PCCA: variants seen among roughly 807,000 people sequenced by gnomAD.
The protein encoded by PCCA is propionyl-CoA carboxylase subunit alpha, also known as propionyl-CoA carboxylase alpha chain, mitochondrial.
In PCCA, 74 loss-of-function variants were observed where a neutral mutation model predicts 101.3. That is an observed-to-expected ratio of 0.73 (90% CI 0.61 to 0.89). The LOEUF (loss-of-function observed/expected upper bound fraction) is 0.89, where lower values mean the gene tolerates loss of function less well. Ranked by LOEUF, PCCA falls within the 40% of genes least tolerant of loss-of-function variation. PCCA has a pLI of 0.00. For synonymous variants in PCCA, 294 were observed against 313.6 expected, an observed-to-expected ratio of 0.94 and a Z score of 0.66; for missense variants, 891 against 907.0, an observed-to-expected ratio of 0.98 and a Z score of 0.23.
At chr13:100,347,425 A>G (rs766654636) in intron 18 of PCCA, among the ~76,000 whole-genome samples, 1 of 152,018 alleles carries the variant, frequency 6.6e-6, no homozygotes, top group African/African-American at 2.4e-5. Context: ...TCTTACCTAC[A>G]CTCTTTTTTT....
chr13:100,291,286 AG>A lies in PCCA; in HGVS notation c.1066-10173del, dbSNP rs543286887. ...GAGCAAGACCCATTTCTTAAAAAAA[AG>A]AAAAGTGTACGGGATGATATGCATA... On this transcript the variant is annotated intron_variant, in intron 12 of 23. Transcript: ENST00000376285. Among the ~76,000 whole-genome samples the A allele has an allele frequency of 4.3e-3, 651 of 152,326 alleles. 5 individuals carry two copies. The highest frequency in any genetic ancestry group is 0.015 in the African/African-American group (631 of 41,570).
intron 21 of PCCA, among the ~76,000 whole-genome samples, chr13:100,486,848 A>C (rs2084415483): frequency 6.6e-6 from 1 of 152,112 alleles, no homozygotes; most frequent in Non-Finnish European, 1.5e-5. Flanking sequence ...GAGCCCAGGA[A>C]GTCAAGGCTG....
At chr13:100,461,153 G>T (rs922835860) in intron 21 of PCCA, among the ~76,000 whole-genome samples, 2 of 152,214 alleles carry the variant, frequency 1.3e-5, no homozygotes, top group African/African-American at 4.8e-5. Flanking sequence ...TTTTAATGTA[G>T]TAAAAGACCT....
chr13:100,200,569 T>A (rs547735103), intron 6 of PCCA, among the ~76,000 whole-genome samples: 27 of 151,400 alleles, frequency 1.8e-4, no homozygotes, highest in Non-Finnish European at 3.8e-4. Flanking sequence ...TATTAACAGG[T>A]TTTTAACATA....
At chr13:100,190,485 C>T (rs2057661460) in intron 6 of PCCA, among the ~76,000 whole-genome samples, 1 of 151,766 alleles carries the variant, frequency 6.6e-6, no homozygotes, top group Non-Finnish European at 1.5e-5. Flanking sequence ...GAGTTCGAGA[C>T]CAGCCTGGCC....
chr13:100,374,610 A>G (rs1277207569), intron 19 of PCCA, among the ~76,000 whole-genome samples: 1 of 152,200 alleles, frequency 6.6e-6, no homozygotes, highest in Non-Finnish European at 1.5e-5. Flanking sequence ...AATGTGATTC[A>G]CTTGAAAGAA....
At chr13:100,453,255 G>A (rs530726220) in intron 21 of PCCA, among the ~76,000 whole-genome samples, 7 of 150,452 alleles carry the variant, frequency 4.7e-5, no homozygotes, top group Non-Finnish European at 8.9e-5. Flanking sequence ...TAATCCCAGC[G>A]CTTTGGGAGG....
At chr13:100,163,986 CGA>C (rs2054771181) in intron 6 of PCCA, among the ~76,000 whole-genome samples, 1 of 85,266 alleles carries the variant, frequency 1.2e-5, no homozygotes, top group Admixed American at 1.3e-4. Flanking sequence ...AGAAATTTTG[CGA>C]TCATATAGTC....
intron 21 of PCCA, among the ~76,000 whole-genome samples, chr13:100,514,858 C>T (rs557132754): frequency 7.9e-5 from 12 of 152,286 alleles, no homozygotes; most frequent in African/African-American, 1.7e-4. Context: ...GAAAAGCCAA[C>T]GTTTTCAGTC....
chr13:100,260,542 G>A lies in PCCA; in HGVS notation c.717-2187G>A, dbSNP rs955202050. On this transcript the variant is annotated intron_variant, in intron 9 of 23. Coordinates refer to ENST00000376285, the MANE Select transcript of PCCA (RefSeq NM_000282.4). ...CTCCCAAGTAGCTGGGACTACAGGC[G>A]CACACTGCCACGCCTGGCTAATTTT... Among the ~76,000 whole-genome samples, 7 of 151,806 alleles carry A rather than the reference G, an allele frequency of 4.6e-5. No homozygotes were observed. The South Asian group carries it at 6.3e-4, about 14-fold the overall frequency.
intron 2 of PCCA, among the ~76,000 whole-genome samples, chr13:100,103,416 A>G (rs952429414): frequency 1.3e-5 from 2 of 151,036 alleles, no homozygotes; most frequent in African/African-American, 4.9e-5. Flanking sequence ...GGTTCAAACA[A>G]TTCTCCCACC....
chr13:100,208,484 G>A (rs1458112341), intron 6 of PCCA, among the ~76,000 whole-genome samples: 1 of 152,088 alleles, frequency 6.6e-6, no homozygotes, highest in African/African-American at 2.4e-5. Context: ...TATAGGTCTG[G>A]TTTTTCCCAT....
chr13:100,150,698 A>C (rs2053203935), intron 4 of PCCA: 1 of 1,554,378 alleles, frequency 6.4e-7, no homozygotes, highest in African/African-American at 1.4e-5. Flanking sequence ...ATCAGTGAGG[A>C]TAACCTCAAA....
chr13:100,357,075 T>C (rs901434194), intron 18 of PCCA, among the ~76,000 whole-genome samples: 1 of 152,202 alleles, frequency 6.6e-6, no homozygotes, highest in Admixed American at 6.5e-5. Context: ...TCGTATCTAA[T>C]GTTTCCCTTA....
chr13:100,401,507 G>T (rs966736519), intron 19 of PCCA, among the ~76,000 whole-genome samples: 2 of 152,096 alleles, frequency 1.3e-5, no homozygotes, highest in South Asian at 4.1e-4. Context: ...CTCCCAAAGT[G>T]CTGGAATTAC....
At chr13:100,529,967 G>A (rs2088269690) in intron 23 of PCCA, 131 bp from the exon 24 acceptor site, 6 of 751,030 alleles carry the variant, frequency 8.0e-6, no homozygotes, top group Non-Finnish European at 1.4e-5. Flanking sequence ...CGGTGGGGTG[G>A]GGTGGCTTGT....
At chr13:100,521,963 A>G (rs2087335873) in intron 22 of PCCA, among the ~76,000 whole-genome samples, 1 of 152,168 alleles carries the variant, frequency 6.6e-6, no homozygotes, top group Admixed American at 6.5e-5. Flanking sequence ...TTTTTCCATA[A>G]AAATTCTTCC....
intron 8 of PCCA, among the ~76,000 whole-genome samples, chr13:100,250,086 T>C (rs977267279): frequency 6.6e-6 from 1 of 152,164 alleles, no homozygotes; most frequent in African/African-American, 2.4e-5. Flanking sequence ...CTTCATAAGC[T>C]GGAATCTGCA....
chr13:100,343,413 A>G (rs906571625), intron 18 of PCCA, among the ~76,000 whole-genome samples: 1 of 152,236 alleles, frequency 6.6e-6, no homozygotes, highest in African/African-American at 2.4e-5. Context: ...AAAGTGGCAT[A>G]TCCATACTAT....
Sources: allele counts gnomAD v4.1 joint callset (sites outside exome capture counted in the v4.1 genomes callset), GRCh38; gene constraint gnomAD v4.1.1; transcripts MANE v1.5; gene names NCBI Gene and HGNC (gene_info 2026-07-23, HGNC 2026-07-21).